RAPGEF1: variants seen among roughly 807,000 people sequenced by gnomAD.
RAPGEF1 encodes Rap guanine nucleotide exchange factor 1.
Under a neutral mutation model 143.3 loss-of-function variants are expected in RAPGEF1, and 33 were observed. The ratio of observed to expected loss-of-function variants is 0.23; its 90% CI spans 0.17 to 0.31. The LOEUF (loss-of-function observed/expected upper bound fraction) is 0.31, where lower values mean the gene tolerates loss of function less well. Among genes scored for constraint, RAPGEF1 ranks in the 10% least tolerant of loss-of-function variants. RAPGEF1 has a pLI of 1.00. For missense variants in RAPGEF1, 1,199 were observed against 1,645.4 expected, an observed-to-expected ratio of 0.73 and a Z score of 4.69; for synonymous variants, 629 against 676.5, an observed-to-expected ratio of 0.93 and a Z score of 1.09.
At chr9:131,718,858 A>C (rs948827727) in intron 1 of RAPGEF1, among the ~76,000 whole-genome samples, 7 of 152,222 alleles carry the variant, frequency 4.6e-5, no homozygotes, top group African/African-American at 1.7e-4. Context: ...GCCTGTTCCC[A>C]AATGGCAATT....
At chr9:131,586,473 G>C (rs866625460) in intron 22 of RAPGEF1, among the ~76,000 whole-genome samples, 1 of 73,786 alleles carries the variant, frequency 1.4e-5, no homozygotes, top group Non-Finnish European at 2.6e-5. Flanking sequence ...CCTGCAGAGC[G>C]AGACTCCGTC....
chr9:131,730,855 C>G (rs539371114), intron 1 of RAPGEF1, among the ~76,000 whole-genome samples: 72 of 152,224 alleles, frequency 4.7e-4, no homozygotes, highest in Non-Finnish European at 9.1e-4. Context: ...TCCGCAGCCC[C>G]CTGTGAGCTC....
At chr9:131,594,495 C>T (rs1268188089) in intron 17 of RAPGEF1, among the ~76,000 whole-genome samples, 1 of 152,204 alleles carries the variant, frequency 6.6e-6, no homozygotes, top group Non-Finnish European at 1.5e-5. Context: ...CCCTGCCAAG[C>T]CCTGCTTGGC....
chr9:131,695,228 C>A (rs951937736), intron 1 of RAPGEF1, among the ~76,000 whole-genome samples: 1 of 152,150 alleles, frequency 6.6e-6, no homozygotes, highest in Non-Finnish European at 1.5e-5. Flanking sequence ...TTCGGAAGCA[C>A]ACAGGGACTG....
chr9:131,643,122 T>A, intron 4 of RAPGEF1, 117 bp downstream of exon 4: 1 of 1,159,774 alleles, frequency 8.6e-7, no homozygotes, highest in Non-Finnish European at 1.2e-6. Flanking sequence ...GGATGAGGGG[T>A]GATGGAGTCC....
intron 17 of RAPGEF1, among the ~76,000 whole-genome samples, chr9:131,593,731 T>A (rs1290536033): frequency 3.3e-5 from 5 of 152,132 alleles, no homozygotes; most frequent in Non-Finnish European, 7.4e-5. Flanking sequence ...GGGCTGGGAA[T>A]CACAGCAGGG....
chr9:131,716,596 T>C (rs978736310), intron 1 of RAPGEF1, among the ~76,000 whole-genome samples: 5 of 152,206 alleles, frequency 3.3e-5, no homozygotes, highest in African/African-American at 9.6e-5. Context: ...CAAAACCCTG[T>C]CTCTACAAAA....
At chr9:131,591,387 A>C (rs903565382) in intron 18 of RAPGEF1, among the ~76,000 whole-genome samples, 7 of 152,186 alleles carry the variant, frequency 4.6e-5, no homozygotes, top group African/African-American at 1.7e-4. Context: ...GAGGTGGCTG[A>C]GGAGCAGCTG....
At chr9:131,710,342 G>A (rs1359828608) in intron 1 of RAPGEF1, among the ~76,000 whole-genome samples, 2 of 152,142 alleles carry the variant, frequency 1.3e-5, no homozygotes, top group Non-Finnish European at 2.9e-5. Flanking sequence ...GACAAATACA[G>A]CTAAGAATTT....
chr9:131,584,210 A>G lies in RAPGEF1; in HGVS notation c.3414+101T>C, dbSNP rs751034974. 8 of 1,123,224 alleles carry G rather than the reference A, an allele frequency of 7.1e-6. No individual in the cohort carries two copies. Among genetic ancestry groups the G allele is most frequent in the Non-Finnish European group, 9.1e-6 (7 of 769,628 alleles). The allele number at this position is 1,123,224 out of a possible 1,614,324, so 69.6% of individuals were successfully genotyped here. On this transcript the variant is annotated intron_variant, in intron 24 of 26. Transcript: ENST00000683357. This position sits in a 1 kb window ranked among gnomAD's most constrained non-coding sequence, Gnocchi z 6.8. ...GGCAGAGCAGGGGCCTAGGCCCAGCATTTGCTCCAGTGGGAGCACTTTCTG... is the reference window on the plus strand; with the variant it reads ...GGCAGAGCAGGGGCCTAGGCCCAGCGTTTGCTCCAGTGGGAGCACTTTCTG...
chr9:131,664,625 A>G (rs1428614764), intron 1 of RAPGEF1, among the ~76,000 whole-genome samples: 1 of 152,190 alleles, frequency 6.6e-6, no homozygotes, highest in Non-Finnish European at 1.5e-5. Context: ...TAAACACAAA[A>G]TTTCTTCAGA....
intron 16 of RAPGEF1, among the ~76,000 whole-genome samples, chr9:131,596,969 C>G (rs1160554076): frequency 6.6e-6 from 1 of 152,224 alleles, no homozygotes; most frequent in Non-Finnish European, 1.5e-5. Flanking sequence ...ACTTCTGACG[C>G]TGCACACCTG....
intron 1 of RAPGEF1, among the ~76,000 whole-genome samples, chr9:131,721,911 T>C (rs1836294040): frequency 6.6e-6 from 1 of 152,212 alleles, no homozygotes; most frequent in Admixed American, 6.5e-5. Flanking sequence ...ATCAGGGACT[T>C]GAGCATCTGT....
intron 5 of RAPGEF1, among the ~76,000 whole-genome samples, chr9:131,638,211 A>G (rs1020745365): frequency 2.0e-5 from 3 of 152,230 alleles, no homozygotes; most frequent in Non-Finnish European, 1.5e-5. Context: ...GTAAATACAG[A>G]AAGTTCCATT....
chr9:131,737,344 CACAA>C, intron 1 of RAPGEF1: 1 of 1,612,460 alleles, frequency 6.2e-7, no homozygotes, highest in Non-Finnish European at 8.5e-7. Context: ...CAGAGCCTAG[CACAA>C]ACACTGTCCC....
chr9:131,620,116 C>A (rs1243922796), intron 11 of RAPGEF1, among the ~76,000 whole-genome samples: 5 of 152,224 alleles, frequency 3.3e-5, no homozygotes, highest in Non-Finnish European at 7.3e-5. Flanking sequence ...GAGCTCGCCA[C>A]TGCCCTGCAG....
intron 1 of RAPGEF1, among the ~76,000 whole-genome samples, chr9:131,730,504 G>A (rs1412440004): frequency 6.6e-6 from 1 of 151,550 alleles, no homozygotes. Context: ...AGACCAGCCT[G>A]GTCAACATGG....
intron 1 of RAPGEF1, among the ~76,000 whole-genome samples, chr9:131,681,513 G>C (rs1438799225): frequency 1.3e-5 from 2 of 152,170 alleles, no homozygotes; most frequent in Admixed American, 1.3e-4. Context: ...TTTGTAATGG[G>C]ACTGTTAAAG....
intron 1 of RAPGEF1, among the ~76,000 whole-genome samples, chr9:131,728,274 T>C (rs1384554728): frequency 6.6e-6 from 1 of 152,224 alleles, no homozygotes; most frequent in East Asian, 1.9e-4. Context: ...GGACCTTGAA[T>C]GTCTTGTGGT....
Sources: allele counts gnomAD v4.1 joint callset (sites outside exome capture counted in the v4.1 genomes callset), GRCh38; gene constraint gnomAD v4.1.1; non-coding constraint Gnocchi (gnomAD v3.1); transcripts MANE v1.5; gene names NCBI Gene and HGNC (gene_info 2026-07-23, HGNC 2026-07-21).